The following AFF3 variants were observed in gnomAD, a reference collection of about 807,000 sequenced individuals.
AFF3 encodes ALF transcription elongation factor 3, also known as AF4/FMR2 family member 3.
Under a neutral mutation model 129.7 loss-of-function variants are expected in AFF3, and 32 were observed. The ratio of observed to expected loss-of-function variants is 0.25; its 90% CI spans 0.19 to 0.33. AFF3 has a LOEUF of 0.33. Among genes scored for constraint, AFF3 ranks in the 10% least tolerant of loss-of-function variants. The pLI is 1.00. For missense variants in AFF3, 1,373 were observed against 1,592.0 expected (o/e 0.86, Z 2.34); for synonymous variants, 644 against 635.4 (o/e 1.01, Z -0.20).
intron 4 of AFF3, among the ~76,000 whole-genome samples, chr2:100,036,232 T>C (rs1684897958): frequency 6.7e-6 from 1 of 148,730 alleles, no homozygotes; most frequent in East Asian, 2.0e-4. Context: ...GGCACCACCC[T>C]GCTCACAATG....
chr2:100,077,783 G>A (rs1481325540), intron 4 of AFF3, among the ~76,000 whole-genome samples: 1 of 151,988 alleles, frequency 6.6e-6, no homozygotes, highest in African/African-American at 2.4e-5. Flanking sequence ...TATTTATCTG[G>A]AAACCACTCA....
At chr2:99,890,452 T>A (rs1176940965) in intron 7 of AFF3, among the ~76,000 whole-genome samples, 1 of 152,220 alleles carries the variant, frequency 6.6e-6, no homozygotes, top group Admixed American at 6.5e-5. Flanking sequence ...ATGATTGAGA[T>A]ACATGCATTC....
chr2:99,799,257 A>G (rs970931540), intron 8 of AFF3, among the ~76,000 whole-genome samples: 7 of 152,018 alleles, frequency 4.6e-5, no homozygotes, highest in Admixed American at 2.6e-4. Flanking sequence ...TTATAAAAGA[A>G]GCACTAGTGA....
At chr2:99,797,896 T>C (rs935828244) in intron 8 of AFF3, among the ~76,000 whole-genome samples, 2 of 152,166 alleles carry the variant, frequency 1.3e-5, no homozygotes, top group East Asian at 1.9e-4. Flanking sequence ...ATCCGCACTA[T>C]GGAAAATGTT....
At chr2:99,859,280 C>T (rs192961936) in intron 7 of AFF3, among the ~76,000 whole-genome samples, 1 of 152,336 alleles carries the variant, frequency 6.6e-6, no homozygotes, top group African/African-American at 2.4e-5. Flanking sequence ...TCTACCCTGC[C>T]TTCTAGAACC....
intron 7 of AFF3, among the ~76,000 whole-genome samples, chr2:99,968,873 A>G (rs887238407): frequency 9.2e-5 from 14 of 152,206 alleles, no homozygotes; most frequent in African/African-American, 3.1e-4. Flanking sequence ...TAAGCAACTG[A>G]AGAGACATCT....
In AFF3 at chr2:100,106,995, G is replaced by A. The variant is rs57341121; in HGVS notation, c.-144-1412C>T. 2.1e-3 allele frequency: 2,077 copies of A among 985,430 alleles called. 33 individuals are homozygous for A. The African/African-American group carries it at 0.032, about 15-fold the overall frequency. 61.0% of individuals were successfully genotyped at this position (985,430 alleles called of 1,614,324 possible). A position where few individuals can be genotyped will look rare whatever the true frequency, so the allele number is the denominator to read the frequency against. ...TTGAATTTAAACTCTGGTGCCTTGT[G>A]TTAATATATGAGAGTGTGTGCACCT... On this transcript the variant is annotated intron_variant, in intron 2 of 24. Coordinates refer to ENST00000672756, the MANE Select transcript of AFF3 (RefSeq NM_001386135.1).
At chr2:100,056,887 C>G (rs1209716339) in intron 4 of AFF3, among the ~76,000 whole-genome samples, 1 of 152,176 alleles carries the variant, frequency 6.6e-6, no homozygotes, top group African/African-American at 2.4e-5. Flanking sequence ...ATAGAGGCCT[C>G]TTTACTCTGA....
chr2:99,601,437 CG>C lies in AFF3; in HGVS notation c.1368del (p.Glu457ArgfsTer16), dbSNP rs752182350. ...GGCCTGAGCCAGGCAGCGCTTACCT[CG>C]GGGCTGGAGAAGTGGGGGGGCTTGC... ...EGSKPPHFSS[P>X]EAEPASSNKW... is the part of the protein sequence containing the mutation. On this transcript the variant is annotated frameshift_variant, in exon 14 of 25. Transcript: ENST00000672756. LOFTEE classifies it high-confidence loss of function. 6.2e-7 allele frequency: 1 copy of C among 1,602,932 alleles called. No homozygotes were observed. The highest frequency in any genetic ancestry group is 8.5e-7 in the Non-Finnish European group (1 of 1,173,640).
chr2:100,098,921 T>A (rs1430541217), intron 4 of AFF3, among the ~76,000 whole-genome samples: 1 of 120,258 alleles, frequency 8.3e-6, no homozygotes, highest in Admixed American at 7.6e-5. Context: ...TCCAGGCTGA[T>A]GAGCAGCCCC....
In AFF3 at chr2:99,751,560, C is replaced by G. The variant is rs539216714; in HGVS notation, c.1002+661G>C. ...GCACATAAACTCCTGATAGTAATCTCTGGGTAGGGAAATAATCTCTGGCTT... is the reference window on the plus strand; with the variant it reads ...GCACATAAACTCCTGATAGTAATCTGTGGGTAGGGAAATAATCTCTGGCTT... On this transcript the variant is annotated intron_variant, in intron 9 of 24. Transcript: ENST00000672756. Among the ~76,000 whole-genome samples, 10 of 152,296 alleles carry G rather than the reference C, an allele frequency of 6.6e-5. No homozygotes were observed. In the South Asian group the frequency reaches 1.9e-3, roughly 28 times the overall value.
intron 8 of AFF3, among the ~76,000 whole-genome samples, chr2:99,814,471 G>T (rs1469215882): frequency 6.6e-6 from 1 of 152,148 alleles, no homozygotes; most frequent in Non-Finnish European, 1.5e-5. Context: ...CAGGTCCTGG[G>T]GAAGATTGAA....
intron 11 of AFF3, among the ~76,000 whole-genome samples, chr2:99,683,268 T>C (rs1002886988): frequency 6.6e-6 from 1 of 152,170 alleles, no homozygotes; most frequent in African/African-American, 2.4e-5. Flanking sequence ...TCCTCATCTG[T>C]AAAATGGAAA....
chr2:99,616,617 G>C (rs969163284), intron 13 of AFF3, among the ~76,000 whole-genome samples: 1 of 152,090 alleles, frequency 6.6e-6, no homozygotes, highest in Non-Finnish European at 1.5e-5. Flanking sequence ...TTAGCTGGGT[G>C]TGGTGGTGTG....
At chr2:100,117,049 G>A (rs1038133323) in intron 2 of AFF3, among the ~76,000 whole-genome samples, 11 of 151,996 alleles carry the variant, frequency 7.2e-5, no homozygotes, top group Non-Finnish European at 1.5e-4. Flanking sequence ...TCCTCTGTCT[G>A]CTTTTAAGAT....
chr2:99,999,813 A>G (rs1028211526), intron 7 of AFF3, among the ~76,000 whole-genome samples: 1 of 152,164 alleles, frequency 6.6e-6, no homozygotes, highest in Non-Finnish European at 1.5e-5. Context: ...CAGCAAATGG[A>G]GTGAAGAAAC....
intron 7 of AFF3, among the ~76,000 whole-genome samples, chr2:99,886,568 A>C (rs115450752): frequency 9.2e-5 from 14 of 152,316 alleles, no homozygotes; most frequent in Non-Finnish European, 1.9e-4. Context: ...TGCTACAAAA[A>C]TGTAAAAGAT....
At chr2:100,069,121 T>G (rs1469274856) in intron 4 of AFF3, among the ~76,000 whole-genome samples, 1 of 151,962 alleles carries the variant, frequency 6.6e-6, no homozygotes, top group Non-Finnish European at 1.5e-5. Context: ...ACCTCCACCC[T>G]CCAACAGGCC....
At chr2:99,664,033 C>G (rs578158260) in intron 12 of AFF3, among the ~76,000 whole-genome samples, 1 of 152,234 alleles carries the variant, frequency 6.6e-6, no homozygotes, top group Non-Finnish European at 1.5e-5. Context: ...TAATCAGTCC[C>G]TTCCTAATCT....
Sources: allele counts gnomAD v4.1 joint callset (sites outside exome capture counted in the v4.1 genomes callset), GRCh38; gene constraint gnomAD v4.1.1; transcripts MANE v1.5; gene names NCBI Gene and HGNC (gene_info 2026-07-23, HGNC 2026-07-21).